Variants in CNTNAP5 observed in about 807,000 individuals in gnomAD.
The protein encoded by CNTNAP5 is contactin associated protein family member 5.
In CNTNAP5, 72 loss-of-function variants were observed where a neutral mutation model predicts 150.2. The ratio of observed to expected loss-of-function variants is 0.48; its 90% CI spans 0.40 to 0.58. The LOEUF (loss-of-function observed/expected upper bound fraction) is 0.58. Ranked by LOEUF, CNTNAP5 falls within the 20% of genes least tolerant of loss-of-function variation. CNTNAP5 has a pLI of 0.00. For missense variants in CNTNAP5, 1,636 were observed against 1,626.2 expected, an observed-to-expected ratio of 1.01 and a Z score of -0.10; for synonymous variants, 672 against 619.8, an observed-to-expected ratio of 1.08 and a Z score of -1.25.
In CNTNAP5 at chr2:124,510,518, T is replaced by TATATACACACACAC. The variant is rs10641959; in HGVS notation, c.1327+5963_1327+5964insTATACACACACACA. On this transcript the variant is annotated intron_variant, in intron 8 of 23. Coordinates refer to ENST00000682447, the MANE Select transcript of CNTNAP5 (RefSeq NM_001367498.1). ...ATATATATATATATATATATATATA[T>TATATACACACACAC]ACATATATCTCCATATATCAACACA... Among the ~76,000 whole-genome samples the TATATACACACACAC allele has an allele frequency of 1.3e-3, 165 of 124,842 alleles. 3 individuals are homozygous for TATATACACACACAC. The highest frequency in any genetic ancestry group is 4.2e-3 in the African/African-American group (131 of 31,338). The allele number at this position is 124,842 out of a possible 152,430, so 81.9% of individuals were successfully genotyped here.
At chr2:124,446,217 T>C (rs1194241853) in intron 5 of CNTNAP5, among the ~76,000 whole-genome samples, 2 of 152,152 alleles carry the variant, frequency 1.3e-5, no homozygotes, top group Non-Finnish European at 2.9e-5. Context: ...AATTTTCCCT[T>C]AGAGGATTAA....
At chr2:124,700,823 T>C (rs572678187) in intron 13 of CNTNAP5, among the ~76,000 whole-genome samples, 1 of 152,184 alleles carries the variant, frequency 6.6e-6, no homozygotes, top group African/African-American at 2.4e-5. Flanking sequence ...ATACAAAACA[T>C]GATATTATGA....
chr2:124,058,697 G>A (rs1254733175), intron 1 of CNTNAP5, among the ~76,000 whole-genome samples: 1 of 152,132 alleles, frequency 6.6e-6, no homozygotes, highest in Admixed American at 6.5e-5. Context: ...CATATTAGGT[G>A]CTCAAATTTT....
intron 1 of CNTNAP5, among the ~76,000 whole-genome samples, chr2:124,052,474 T>C (rs2104644002): frequency 6.6e-6 from 1 of 152,284 alleles, no homozygotes; most frequent in East Asian, 1.9e-4. Flanking sequence ...CAACCAAGGG[T>C]CCCAGGATTT....
chr2:124,478,450 C>A (rs1433205461), intron 7 of CNTNAP5, among the ~76,000 whole-genome samples: 2 of 152,096 alleles, frequency 1.3e-5, no homozygotes. Context: ...AAAAAATGTA[C>A]ATTATTTTTC....
chr2:124,665,705 TG>T (rs1678685090), intron 13 of CNTNAP5, among the ~76,000 whole-genome samples: 1 of 151,876 alleles, frequency 6.6e-6, no homozygotes, highest in Non-Finnish European at 1.5e-5. Context: ...GCTAACACGG[TG>T]AAACCCCGTC....
At chr2:124,359,142 G>A (rs1484217433) in intron 3 of CNTNAP5, among the ~76,000 whole-genome samples, 1 of 152,070 alleles carries the variant, frequency 6.6e-6, no homozygotes, top group Non-Finnish European at 1.5e-5. Context: ...TGTGGGATCG[G>A]CGGTGATATC....
chr2:124,137,302 G>GTT (rs11441547), intron 1 of CNTNAP5, among the ~76,000 whole-genome samples: 2,111 of 150,734 alleles, frequency 0.014, 44 homozygotes, highest in African/African-American at 0.047. Context: ...TTCCTCTGTA[G>GTT]TTTTTTTTTC....
chr2:124,375,152 A>G (rs1690613371), intron 3 of CNTNAP5, among the ~76,000 whole-genome samples: 1 of 152,120 alleles, frequency 6.6e-6, no homozygotes, highest in African/African-American at 2.4e-5. Flanking sequence ...TACATGGATC[A>G]TCTATGCATG....
chr2:124,650,512 C>T (rs2105030649), intron 13 of CNTNAP5, among the ~76,000 whole-genome samples: 1 of 152,270 alleles, frequency 6.6e-6, no homozygotes, highest in South Asian at 2.1e-4. Flanking sequence ...TTTTCCTGGT[C>T]CTTATTATTA....
At chr2:124,443,879 T>C (rs1692738480) in intron 5 of CNTNAP5, among the ~76,000 whole-genome samples, 1 of 151,782 alleles carries the variant, frequency 6.6e-6, no homozygotes, top group Admixed American at 6.6e-5. Flanking sequence ...AATTTTCAAA[T>C]GTTTAATATT....
intron 12 of CNTNAP5, among the ~76,000 whole-genome samples, chr2:124,619,908 C>CATATATATATATATATAT (rs10540154): frequency 1.7e-5 from 2 of 115,548 alleles, no homozygotes; most frequent in African/African-American, 9.1e-5. Flanking sequence ...CTGTCTCATT[C>CATATATATATATATATAT]ATATATATAT....
At chr2:124,789,746 T>C (rs1156323454) in intron 17 of CNTNAP5, among the ~76,000 whole-genome samples, 156 bp from the exon 18 acceptor site, 3 of 152,198 alleles carry the variant, frequency 2.0e-5, no homozygotes, top group Admixed American at 2.0e-4. Flanking sequence ...TGAGGCTCTT[T>C]GGAATTCCAA....
At chr2:124,077,222 G>C (rs1251032538) in intron 1 of CNTNAP5, among the ~76,000 whole-genome samples, 1 of 151,958 alleles carries the variant, frequency 6.6e-6, no homozygotes, top group Non-Finnish European at 1.5e-5. Context: ...TGTTGTGAAG[G>C]CCACTTTATA....
chr2:124,273,700 G>A (rs1429110148), intron 3 of CNTNAP5, among the ~76,000 whole-genome samples: 2 of 152,160 alleles, frequency 1.3e-5, no homozygotes, highest in African/African-American at 4.8e-5. Flanking sequence ...GCATGGTATT[G>A]TGGTCTCCCC....
chr2:124,914,401 T>C lies in CNTNAP5; in HGVS notation c.*113T>C, dbSNP rs1419534392. The C allele has an allele frequency of 5.0e-6, 4 of 793,608 alleles. No individual in the cohort carries two copies. The highest frequency in any genetic ancestry group is 2.7e-5 in the East Asian group (1 of 37,006). The allele number at this position is 793,608 out of a possible 1,614,324, so 49.2% of individuals were successfully genotyped here. The stretch of plus-strand genomic sequence containing the variant: ...TCTTTATTTTCTGCTTGCCATGTCT[T>C]TTCTGGAACATACTTGCATCCACCA... On this transcript the variant is annotated 3_prime_UTR_variant, in exon 24 of 24. Coordinates refer to ENST00000682447, the MANE Select transcript of CNTNAP5 (RefSeq NM_001367498.1).
chr2:124,708,737 C>T (rs911855843), intron 13 of CNTNAP5, among the ~76,000 whole-genome samples: 7 of 152,028 alleles, frequency 4.6e-5, no homozygotes, highest in Admixed American at 6.6e-5. Context: ...TTTTTGGTGG[C>T]GGTGGATTCC....
At chr2:124,451,063 TATATATATATATATAC>T (rs1692964140) in intron 6 of CNTNAP5, among the ~76,000 whole-genome samples, 1 of 83,698 alleles carries the variant, frequency 1.2e-5, no homozygotes, top group African/African-American at 4.5e-5. Flanking sequence ...TATATATATA[TATATATATATATATAC>T]ACACACACAC....
At chr2:124,758,815 G>C (rs1026899766) in intron 14 of CNTNAP5, among the ~76,000 whole-genome samples, 1 of 152,126 alleles carries the variant, frequency 6.6e-6, no homozygotes, top group African/African-American at 2.4e-5. Flanking sequence ...GCCCTGAGAA[G>C]TCAGAAGATG....
Sources: gnomAD v4.1 joint callset for allele counts (sites outside exome capture counted in the v4.1 genomes callset) on GRCh38, gnomAD v4.1.1 for gene constraint, MANE v1.5 for transcripts, NCBI Gene and HGNC (gene_info 2026-07-23, HGNC 2026-07-21) for gene names.